The following NR3C2 variants were observed in gnomAD, a reference collection of about 807,000 sequenced individuals.
NR3C2 encodes mineralocorticoid receptor.
In NR3C2, 15 loss-of-function variants were observed where a neutral mutation model predicts 86.4. That is an observed-to-expected ratio of 0.17 (90% CI 0.12 to 0.27). The LOEUF is 0.27. NR3C2 is among the 10% of genes least tolerant of loss of function. The probability of loss-of-function intolerance (pLI) is 1.00; values close to 1 mark genes in which losing one functional copy is unlikely to be tolerated. For missense variants in NR3C2, 960 were observed against 1,195.6 expected, an observed-to-expected ratio of 0.80 and a Z score of 2.91; for synonymous variants, 458 against 450.5, an observed-to-expected ratio of 1.02 and a Z score of -0.21.
chr4:148,086,664 C>A (rs370438981), intron 8 of NR3C2, among the ~76,000 whole-genome samples: 1 of 152,172 alleles, frequency 6.6e-6, no homozygotes. Flanking sequence ...ATTGATAGAA[C>A]CTGAGAAGTG....
intron 3 of NR3C2, among the ~76,000 whole-genome samples, chr4:148,256,173 C>G (rs1261770781): frequency 6.6e-6 from 1 of 152,142 alleles, no homozygotes; most frequent in Non-Finnish European, 1.5e-5. Flanking sequence ...TGGAAAAGCC[C>G]CTCTAGGACA....
intron 2 of NR3C2, among the ~76,000 whole-genome samples, chr4:148,371,364 T>C (rs1363526567): frequency 6.6e-6 from 1 of 152,180 alleles, no homozygotes; most frequent in African/African-American, 2.4e-5. Flanking sequence ...AATCATATAA[T>C]AGAAGAGACA....
At chr4:148,425,406 T>C (rs1749478222) in intron 2 of NR3C2, among the ~76,000 whole-genome samples, 1 of 152,166 alleles carries the variant, frequency 6.6e-6, no homozygotes, top group South Asian at 2.1e-4. Flanking sequence ...GGATGACCAC[T>C]TTCAATAAGA....
intron 2 of NR3C2, among the ~76,000 whole-genome samples, chr4:148,358,967 C>T (rs542309814): frequency 0.03 from 304 of 10,234 alleles, 1 homozygote; most frequent in East Asian, 0.056. Flanking sequence ...TTTACACACA[C>T]GCACACACAC....
chr4:148,280,390 C>G (rs142728275), intron 2 of NR3C2, among the ~76,000 whole-genome samples: 6 of 151,964 alleles, frequency 3.9e-5, no homozygotes, highest in Non-Finnish European at 1.5e-5. Context: ...CAAGCAATAC[C>G]GAAAAGAATG....
At chr4:148,143,947 CAAAAAA>C (rs67177081) in intron 6 of NR3C2, among the ~76,000 whole-genome samples, 1 of 64,422 alleles carries the variant, frequency 1.6e-5, no homozygotes, top group Non-Finnish European at 2.7e-5. Context: ...AACTCTGTCT[CAAAAAA>C]AAAAAAAAAA....
At chr4:148,199,314 A>G (rs1403987540) in intron 3 of NR3C2, among the ~76,000 whole-genome samples, 1 of 152,076 alleles carries the variant, frequency 6.6e-6, no homozygotes, top group East Asian at 1.9e-4. Context: ...GAGCGTGTTG[A>G]ACTGTATCTT....
intron 3 of NR3C2, among the ~76,000 whole-genome samples, chr4:148,211,008 T>C (rs1737256498): frequency 6.6e-6 from 1 of 152,206 alleles, no homozygotes; most frequent in Non-Finnish European, 1.5e-5. Flanking sequence ...TTAGAATGAA[T>C]TGGTAGTAAA....
At chr4:148,220,470 T>G (rs1233459995) in intron 3 of NR3C2, among the ~76,000 whole-genome samples, 1 of 152,128 alleles carries the variant, frequency 6.6e-6, no homozygotes, top group Non-Finnish European at 1.5e-5. Flanking sequence ...AACCATAAGT[T>G]AAGGAAATAG....
chr4:148,346,042 CA>C (rs1744973378), intron 2 of NR3C2, among the ~76,000 whole-genome samples: 1 of 151,974 alleles, frequency 6.6e-6, no homozygotes, highest in African/African-American at 2.4e-5. Context: ...ATGCTCCAGG[CA>C]GACAATAGTG....
At chr4:148,286,837 A>G (rs963939183) in intron 2 of NR3C2, among the ~76,000 whole-genome samples, 3 of 152,004 alleles carry the variant, frequency 2.0e-5, no homozygotes. Context: ...TTCTCATAAC[A>G]TAATTTGTGC....
intron 2 of NR3C2, among the ~76,000 whole-genome samples, chr4:148,387,842 C>T (rs1171707393): frequency 1.3e-5 from 2 of 152,132 alleles, no homozygotes; most frequent in Admixed American, 6.5e-5. Flanking sequence ...TACACAACTA[C>T]GAATGTCTTA....
chr4:148,189,285 T>C (rs1323503061), intron 4 of NR3C2, among the ~76,000 whole-genome samples: 1 of 152,206 alleles, frequency 6.6e-6, no homozygotes, highest in Non-Finnish European at 1.5e-5. Context: ...TTTGCATCTA[T>C]TGAGATGATC....
intron 2 of NR3C2, among the ~76,000 whole-genome samples, chr4:148,423,279 T>C (rs918211655): frequency 7.2e-5 from 11 of 152,164 alleles, no homozygotes; most frequent in African/African-American, 2.7e-4. Context: ...AAACTTCATT[T>C]CAGCATTCAC....
rs147643123 is a variant in NR3C2, at chr4:148,334,965, A to T, written c.1758-74848T>A. 4.4e-4 allele frequency among the ~76,000 whole-genome samples: 67 copies of T among 152,276 alleles called. No individual in the cohort carries two copies. The East Asian group carries it at 0.012, about 28-fold the overall frequency. On this transcript the variant is annotated intron_variant, in intron 2 of 8. Transcript: ENST00000358102. Reference sequence around the variant, plus strand: ...CTCTAATCTCTGCCTTCATCTTTACATGACATTCTCGCTCCGTGGGTATCT... The same window carrying T: ...CTCTAATCTCTGCCTTCATCTTTACTTGACATTCTCGCTCCGTGGGTATCT...
At chr4:148,337,510 A>T (rs1381894023) in intron 2 of NR3C2, among the ~76,000 whole-genome samples, 1 of 152,254 alleles carries the variant, frequency 6.6e-6, no homozygotes, top group Non-Finnish European at 1.5e-5. Flanking sequence ...GTTGAAACAT[A>T]AAGAAGAAAA....
chr4:148,335,086 G>A (rs1373046171), intron 2 of NR3C2, among the ~76,000 whole-genome samples: 2 of 152,066 alleles, frequency 1.3e-5, no homozygotes, highest in Non-Finnish European at 2.9e-5. Flanking sequence ...TTATATCTGC[G>A]ATGACTTTAT....
chr4:148,108,417 T>G (rs914743220), intron 8 of NR3C2, among the ~76,000 whole-genome samples: 9 of 152,182 alleles, frequency 5.9e-5, no homozygotes. Flanking sequence ...CAATGATACT[T>G]AATGCCCTTT....
chr4:148,323,543 T>C (rs903309027), intron 2 of NR3C2, among the ~76,000 whole-genome samples: 5 of 116,078 alleles, frequency 4.3e-5, no homozygotes, highest in Non-Finnish European at 9.8e-5. Flanking sequence ...TCCGTGAGTG[T>C]AGGACCCTCC....
Sources: allele counts gnomAD v4.1 joint callset (sites outside exome capture counted in the v4.1 genomes callset), GRCh38; gene constraint gnomAD v4.1.1; transcripts MANE v1.5; gene names NCBI Gene and HGNC (gene_info 2026-07-23, HGNC 2026-07-21).